Variants in FTHL17 observed in about 807,000 individuals in gnomAD.
The protein encoded by FTHL17 is ferritin heavy polypeptide-like 17.
For synonymous variants in FTHL17, 85 were observed against 76.6 expected (o/e 1.11, Z -0.58); for missense variants, 146 against 156.7 (o/e 0.93, Z 0.37).
Position 31,071,912 on chromosome X carries a change from G to T in FTHL17, c.42C>A (p.Asp14Glu). The T allele has an allele frequency of 8.3e-7, 1 of 1,209,654 alleles. No homozygotes were observed. The highest frequency in any genetic ancestry group is 1.1e-6 in the Non-Finnish European group (1 of 893,796). ...AQPSQVRQKYDTNCDAAINSH... is the reference protein window; with the variant it reads ...AQPSQVRQKYETNCDAAINSH... ...TGTTGATGGCGGCGTCGCAGTTGGTGTCGTACTTCTGGCGCACCTGCGACG... is the reference window on the plus strand; with the variant it reads ...TGTTGATGGCGGCGTCGCAGTTGGTTTCGTACTTCTGGCGCACCTGCGACG... The change falls in exon 1 of 1, where the codon GAC becomes GAA. Residue 14 changes from aspartate (D) to glutamate (E), a missense_variant. By Grantham distance (45) the Asp-to-Glu change is conservative. Transcript: ENST00000359202.
In FTHL17 at chrX:31,071,818, C is replaced by A; in HGVS notation, c.136G>T (p.Asp46Tyr). The change falls in exon 1 of 1, where the codon GAC becomes TAC. Residue 46 changes from aspartate to tyrosine, a missense_variant. By Grantham distance (160) the Asp-to-Tyr change is radical. Coordinates refer to ENST00000359202, the MANE Select transcript of FTHL17 (RefSeq NM_031894.3). ...LSMAFYFNRD[D>Y]VALENFFRYF... ...CGGAAGAAGTTCTCCAGGGCCACGT[C>A]GTCCCGGTTGAAGTAGAAGGCCATA... The A allele has an allele frequency of 3.3e-6, 4 of 1,211,138 alleles. No individual in the cohort carries two copies. The highest frequency in any genetic ancestry group is 4.5e-6 in the Non-Finnish European group (4 of 895,179).
At position 31,071,402 on chromosome X, in the gene FTHL17, T is replaced by C. The variant is rs2147492192; in HGVS notation, c.552A>G (p.Ter184TrpextTer40). Residue 184 changes from the stop codon to tryptophan, a stop_lost, in exon 1 of 1, where the codon TGA becomes TGG. Coordinates refer to ENST00000359202, the MANE Select transcript of FTHL17 (RefSeq NM_031894.3). The stretch of plus-strand genomic sequence containing the variant: ...CCGTGGCTGTGGGGCCCATCTGGGC[T>C]CAAGTCTCTTTGACGCGGCCGCCCA... ...LTLGGRVKET[*>W] The C allele has an allele frequency of 1.7e-6, 2 of 1,205,936 alleles. No individual in the cohort carries two copies. Among genetic ancestry groups the C allele is most frequent in the Non-Finnish European group, 2.2e-6 (2 of 891,728 alleles).
At position 31,071,534 on chromosome X, in the gene FTHL17, G is replaced by C. The variant is rs750800338; in HGVS notation, c.420C>G (p.His140Gln). The change falls in exon 1 of 1, where the codon CAC becomes CAG. Residue 140 changes from histidine (H) to glutamine (Q), a missense_variant. His to Gln is a conservative substitution (Grantham distance 24). Transcript: ENST00000359202. ...GCTCTTTGATGGTCTTGACTTGCTC[G>C]TGCAGGTAGTGGCTCTCCAGGAAGT... ...LCHFLESHYL[H>Q]EQVKTIKELG... 9 of 1,209,787 alleles carry C rather than the reference G, an allele frequency of 7.4e-6. No homozygotes were observed. The highest frequency in any genetic ancestry group is 1.7e-5 in the African/African-American group (1 of 57,188).
At position 31,071,386 on chromosome X, in the gene FTHL17, T is replaced by C. The variant is rs752762387; in HGVS notation, c.*16A>G. The C allele has an allele frequency of 8.4e-7, 1 of 1,191,373 alleles. No individual in the cohort carries two copies. The highest frequency in any genetic ancestry group is 1.8e-5 in the South Asian group (1 of 54,977). On this transcript the variant is annotated 3_prime_UTR_variant, in exon 1 of 1. Transcript: ENST00000359202. ...ACCCAGGGAAGGGACCCCGTGGCTG[T>C]GGGGCCCATCTGGGCTCAAGTCTCT...
chrX:31,071,645 G>A lies in FTHL17; in HGVS notation c.309C>T (p.Ser103=), dbSNP rs374535093. The change falls in exon 1 of 1, where the codon TCC becomes TCT. Residue 103 remains serine (S), a synonymous_variant. Transcript: ENST00000359202. ...TGACGTTCTTCTCCAGGTGGAAGGC[G>A]GACTCCATGGCCACGAGCCCGCTCT... ...GWESGLVAME[S]AFHLEKNVNQ... 21 of 1,209,418 alleles carry A rather than the reference G, an allele frequency of 1.7e-5. No individual in the cohort carries two copies. The highest frequency in any genetic ancestry group is 3.5e-5 in the African/African-American group (2 of 57,119).
rs1243570862 is a variant in FTHL17 at position 31,071,763 on chromosome X, A to G, written c.191T>C (p.Met64Thr). Residue 64 changes from methionine (M) to threonine (T), a missense_variant, in exon 1 of 1, where the codon ATG (methionine) becomes ACG (threonine). Met to Thr is a moderately conservative substitution (Grantham distance 81). Coordinates refer to ENST00000359202, the MANE Select transcript of FTHL17 (RefSeq NM_031894.3). ...CCTCATCAGCTTCTGGGCATGCTCC[A>G]TTTTGTCGTCCGACAGGCGCAGGAA... ...RYFLRLSDDK[M>T]EHAQKLMRLQ... is the part of the protein sequence containing the mutation. The G allele has an allele frequency of 8.3e-7, 1 of 1,209,806 alleles. No individual in the cohort carries two copies. The highest frequency in any genetic ancestry group is 1.1e-6 in the Non-Finnish European group (1 of 895,107).
At position 31,071,267 on chromosome X, in the gene FTHL17, C is replaced by A; in HGVS notation, c.*135G>T. Reference sequence around the variant, plus strand: ...TGGACACCTTTATTGCTTTGAGAACCAGATAACTTTTTTGCTAACAATGGT... The same window carrying A: ...TGGACACCTTTATTGCTTTGAGAACAAGATAACTTTTTTGCTAACAATGGT... On this transcript the variant is annotated 3_prime_UTR_variant, in exon 1 of 1. Coordinates refer to ENST00000359202, the MANE Select transcript of FTHL17 (RefSeq NM_031894.3). 2.0e-6 allele frequency: 1 copy of A among 503,291 alleles called. No homozygotes were observed. The highest frequency in any genetic ancestry group is 3.3e-6 in the Non-Finnish European group (1 of 302,777). The allele number at this position is 503,291 out of a possible 1,213,427, so 41.5% of individuals were successfully genotyped here. A position where few individuals can be genotyped will look rare whatever the true frequency, so the allele number is the denominator to read the frequency against.
rs763317732 is a variant in FTHL17 at position 31,071,374 on chromosome X, A to AC, written c.*27dup. The AC allele has an allele frequency of 2.1e-4, 244 of 1,161,673 alleles. 3 individuals carry two copies. In the East Asian group the frequency reaches 7.1e-3, roughly 34 times the overall value. On this transcript the variant is annotated 3_prime_UTR_variant, in exon 1 of 1. Coordinates refer to ENST00000359202, the MANE Select transcript of FTHL17 (RefSeq NM_031894.3). The stretch of plus-strand genomic sequence containing the variant: ...CCTAGTGGCCTGACCCAGGGAAGGG[A>AC]CCCCGTGGCTGTGGGGCCCATCTGG...
rs186543599 is a variant in FTHL17, at chrX:31,071,396, C to T, written c.*6G>A. 1.4e-5 allele frequency: 17 copies of T among 1,201,770 alleles called. No individual in the cohort carries two copies. In the African/African-American group the frequency reaches 1.6e-4, roughly 11 times the overall value. On this transcript the variant is annotated 3_prime_UTR_variant, in exon 1 of 1. Transcript: ENST00000359202. Reference sequence around the variant, plus strand: ...GGGACCCCGTGGCTGTGGGGCCCATCTGGGCTCAAGTCTCTTTGACGCGGC... The same window carrying T: ...GGGACCCCGTGGCTGTGGGGCCCATTTGGGCTCAAGTCTCTTTGACGCGGC...
chrX:31,071,944 C>T lies in FTHL17; in HGVS notation c.10G>A (p.Ala4Thr). ...TTCTGGCGCACCTGCGACGGCTGGG[C>T]GGTGGCCATGGCGGGCAGCGCAAGT... MAT[A>T]QPSQVRQKYD... Residue 4 changes from alanine (A) to threonine (T), a missense_variant, in exon 1 of 1, where the codon GCC becomes ACC. Transcript: ENST00000359202. 1 of 1,204,326 alleles carries T rather than the reference C, an allele frequency of 8.3e-7. No homozygotes were observed.
rs1157177252 is a variant in FTHL17 at position 31,071,510 on chromosome X, C to A, written c.444G>T (p.Glu148Asp). The change falls in exon 1 of 1, where the codon GAG becomes GAT. Residue 148 changes from glutamate to aspartate, a missense_variant. Physicochemically the swap from Glu to Asp is conservative, Grantham distance 45 (BLOSUM62 2). Coordinates refer to ENST00000359202, the MANE Select transcript of FTHL17 (RefSeq NM_031894.3). ...GCAGGTTGCTCACGTAGCCACCCAG[C>A]TCTTTGATGGTCTTGACTTGCTCGT... ...YLHEQVKTIK[E>D]LGGYVSNLRK... 1 of 1,209,753 alleles carries A rather than the reference C, an allele frequency of 8.3e-7. No homozygotes were observed. Among genetic ancestry groups the A allele is most frequent in the East Asian group, 3.0e-5 (1 of 33,738 alleles).
chrX:31,071,685 T>G lies in FTHL17; in HGVS notation c.269A>C (p.Glu90Ala). 2 of 1,212,017 alleles carry G rather than the reference T, an allele frequency of 1.7e-6. No homozygotes were observed. Among genetic ancestry groups the G allele is most frequent in the Non-Finnish European group, 2.2e-6 (2 of 895,528 alleles). ...GAGCCCGCTCTCCCAGCCTTGGCAC[T>G]CTGGCTTCCTGATATCGTGAAGGCA... The part of the protein sequence containing the change: ...HICLHDIRKP[E>A]CQGWESGLVA... Residue 90 changes from glutamate (E) to alanine (A), a missense_variant, in exon 1 of 1, where the codon GAG (glutamate) becomes GCG (alanine). Physicochemically the swap from Glu to Ala is moderately radical, Grantham distance 107. Coordinates refer to ENST00000359202, the MANE Select transcript of FTHL17 (RefSeq NM_031894.3).
At position 31,071,289 on chromosome X, in the gene FTHL17, T is replaced by G; in HGVS notation, c.*113A>C. ...AACCAGATAACTTTTTTGCTAACAATGGTAAAACTGAAAGATAAAACTGAA... is the reference window on the plus strand; with the variant it reads ...AACCAGATAACTTTTTTGCTAACAAGGGTAAAACTGAAAGATAAAACTGAA... On this transcript the variant is annotated 3_prime_UTR_variant, in exon 1 of 1. Coordinates refer to ENST00000359202, the MANE Select transcript of FTHL17 (RefSeq NM_031894.3). 1.7e-6 allele frequency: 1 copy of G among 602,801 alleles called. No homozygotes were observed. The highest frequency in any genetic ancestry group is 2.6e-6 in the Non-Finnish European group (1 of 386,983). 49.7% of individuals were successfully genotyped at this position (602,801 alleles called of 1,213,427 possible).
Position 31,071,576 on chromosome X carries a change from G to T in FTHL17, c.378C>A (p.Gly126=). 8.3e-7 allele frequency: 1 copy of T among 1,211,583 alleles called. No homozygotes were observed. The highest frequency in any genetic ancestry group is 1.1e-6 in the Non-Finnish European group (1 of 895,323). Residue 126 remains glycine, a synonymous_variant, in exon 1 of 1, where the codon GGC becomes GGA. Transcript: ENST00000359202. The stretch of plus-strand genomic sequence containing the variant: ...CCAGGAAGTGGCACAGCTGGGGGTC[G>T]CCCTTCTCCACGGCCAGCTGGTACA... ...LDLYQLAVEK[G]DPQLCHFLES... is the part of the protein sequence containing the mutation.
chrX:31,071,520 G>T lies in FTHL17; in HGVS notation c.434C>A (p.Thr145Asn). 1 of 1,211,555 alleles carries T rather than the reference G, an allele frequency of 8.3e-7. No individual in the cohort carries two copies. The highest frequency in any genetic ancestry group is 1.1e-6 in the Non-Finnish European group (1 of 895,211). ...CACGTAGCCACCCAGCTCTTTGATGGTCTTGACTTGCTCGTGCAGGTAGTG... is the reference window on the plus strand; with the variant it reads ...CACGTAGCCACCCAGCTCTTTGATGTTCTTGACTTGCTCGTGCAGGTAGTG... ...ESHYLHEQVK[T>N]IKELGGYVSN... Residue 145 changes from threonine to asparagine, a missense_variant, in exon 1 of 1, where the codon ACC becomes AAC. Transcript: ENST00000359202.
rs1354711507 is a variant in FTHL17, at chrX:31,071,673, C to T, written c.281G>A (p.Trp94Ter). ...HDIRKPECQG[W>*]ESGLVAMESA... Reference sequence around the variant, plus strand: ...CTCCATGGCCACGAGCCCGCTCTCCCAGCCTTGGCACTCTGGCTTCCTGAT... The same window carrying T: ...CTCCATGGCCACGAGCCCGCTCTCCTAGCCTTGGCACTCTGGCTTCCTGAT... Residue 94 changes from tryptophan to a stop codon, truncating the protein, a stop_gained, in exon 1 of 1, where the codon TGG (tryptophan) becomes TAG (stop). Transcript: ENST00000359202. LOFTEE classifies it low-confidence loss of function (END_TRUNC). 17 of 1,210,302 alleles carry T rather than the reference C, an allele frequency of 1.4e-5. No homozygotes were observed. Among genetic ancestry groups the T allele is most frequent in the Non-Finnish European group, 1.9e-5 (17 of 895,245 alleles).
rs761672198 is a variant in FTHL17 at position 31,071,356 on chromosome X, G to T, written c.*46C>A. ...GGCAACATGCACGCCCCGCCTAGTG[G>T]CCTGACCCAGGGAAGGGACCCCGTG... is the stretch of plus-strand genomic sequence containing the variant. On this transcript the variant is annotated 3_prime_UTR_variant, in exon 1 of 1. Transcript: ENST00000359202. 1.9e-6 allele frequency: 2 copies of T among 1,062,511 alleles called. No homozygotes were observed. Among genetic ancestry groups the T allele is most frequent in the Non-Finnish European group, 2.6e-6 (2 of 768,180 alleles). 87.6% of individuals were successfully genotyped at this position (1,062,511 alleles called of 1,213,427 possible).
chrX:31,071,744 C>T lies in FTHL17; in HGVS notation c.210G>A (p.Leu70=), dbSNP rs201587622. Residue 70 remains leucine, a synonymous_variant, in exon 1 of 1, where the codon CTG becomes CTA. Coordinates refer to ENST00000359202, the MANE Select transcript of FTHL17 (RefSeq NM_031894.3). ...SDDKMEHAQK[L]MRLQNLRGGH... ...CACCGCGCAGGTTCTGCAGCCTCATCAGCTTCTGGGCATGCTCCATTTTGT... is the reference window on the plus strand; with the variant it reads ...CACCGCGCAGGTTCTGCAGCCTCATTAGCTTCTGGGCATGCTCCATTTTGT... 5.0e-6 allele frequency: 6 copies of T among 1,210,023 alleles called. No homozygotes were observed. Among genetic ancestry groups the T allele is most frequent in the Non-Finnish European group, 1.1e-6 (1 of 895,038 alleles).
Position 31,071,378 on chromosome X carries a change from C to T in FTHL17, c.*24G>A, listed in dbSNP as rs767651991. 5 of 1,177,930 alleles carry T rather than the reference C, an allele frequency of 4.2e-6. No individual in the cohort carries two copies. In the South Asian group the frequency reaches 7.4e-5, roughly 17 times the overall value. ...GTGGCCTGACCCAGGGAAGGGACCC[C>T]GTGGCTGTGGGGCCCATCTGGGCTC... is the stretch of plus-strand genomic sequence containing the variant. On this transcript the variant is annotated 3_prime_UTR_variant, in exon 1 of 1. Coordinates refer to ENST00000359202, the MANE Select transcript of FTHL17 (RefSeq NM_031894.3).
Sources: gnomAD v4.1 joint callset for allele counts on GRCh38, gnomAD v4.1.1 for gene constraint, MANE v1.5 for transcripts, NCBI Gene and HGNC (gene_info 2026-07-23, HGNC 2026-07-21) for gene names.